SOS1: variants seen among roughly 807,000 people sequenced by gnomAD.
SOS1 encodes son of sevenless homolog 1.
A neutral mutation model predicts 157.6 loss-of-function variants in SOS1; 25 were observed. The observed-to-expected ratio is 0.16, with a 90% CI of 0.12 to 0.22. The LOEUF (loss-of-function observed/expected upper bound fraction) is 0.22. SOS1 is among the 10% of genes least tolerant of loss of function. The probability of loss-of-function intolerance (pLI) is 1.00; values close to 1 mark genes in which losing one functional copy is unlikely to be tolerated. For missense variants in SOS1, 1,237 were observed against 1,599.1 expected (o/e 0.77, Z 3.86); for synonymous variants, 528 against 534.0 (o/e 0.99, Z 0.16).
At chr2:39,015,182 C>T (rs888682125) in intron 10 of SOS1, among the ~76,000 whole-genome samples, 1 of 151,874 alleles carries the variant, frequency 6.6e-6, no homozygotes, top group Non-Finnish European at 1.5e-5. Context: ...CAAAGTATCA[C>T]CAGTTGGTTT....
intron 1 of SOS1, among the ~76,000 whole-genome samples, chr2:39,080,330 G>A (rs1163464453): frequency 6.6e-6 from 1 of 152,052 alleles, no homozygotes; most frequent in Non-Finnish European, 1.5e-5. Context: ...AGTTTTGGCG[G>A]TAATGCGAAT....
intron 1 of SOS1, among the ~76,000 whole-genome samples, chr2:39,107,561 T>C (rs1673245818): frequency 6.6e-6 from 1 of 150,860 alleles, no homozygotes; most frequent in Admixed American, 6.6e-5. Flanking sequence ...GCATTTCACC[T>C]AACAAATTTC....
rs1162457910 is a variant in SOS1 at position 39,113,385 on chromosome 2, A to C, written c.87+6951T>G. Among the ~76,000 whole-genome samples, 4 of 147,914 alleles carry C rather than the reference A, an allele frequency of 2.7e-5. No individual in the cohort carries two copies. In the East Asian group the frequency reaches 7.9e-4, roughly 29 times the overall value. On this transcript the variant is annotated intron_variant, in intron 1 of 22. Coordinates refer to ENST00000402219, the MANE Select transcript of SOS1 (RefSeq NM_005633.4). ...TTTTTTTTTTTTTTCCCTTGTAGAG[A>C]CAGGGTCTCACTATGTGGCCTAGGC...
chr2:38,995,016 C>G (rs1668844929), intron 20 of SOS1, 107 bp downstream of exon 20: 2 of 876,384 alleles, frequency 2.3e-6, no homozygotes, highest in African/African-American at 1.7e-5. Context: ...TGGCATTTGA[C>G]TTAACTACAA....
At chr2:39,068,156 T>C (rs1057178343) in intron 1 of SOS1, among the ~76,000 whole-genome samples, 1 of 152,224 alleles carries the variant, frequency 6.6e-6, no homozygotes, top group Non-Finnish European at 1.5e-5. Flanking sequence ...AAATGTGGTC[T>C]GGCTTGCAAA....
upstream of SOS1, among the ~76,000 whole-genome samples, chr2:39,122,447 T>C (rs531345449): frequency 6.8e-4 from 96 of 142,208 alleles, 1 homozygote; most frequent in African/African-American, 2.2e-3. Context: ...AAAAAAAATA[T>C]ACACACACAC....
In SOS1 at chr2:39,006,495, T is replaced by G. The variant is rs1669286222; in HGVS notation, c.2708A>C (p.Glu903Ala). Residue 903 changes from glutamate to alanine, a missense_variant, in exon 17 of 23, where the codon GAA becomes GCA. Coordinates refer to ENST00000402219, the MANE Select transcript of SOS1 (RefSeq NM_005633.4). ...GTGATCTTCACTCAATTCATGAGCT[T>G]CTTCTAAAATTTTCTTCTGGCGACT... ...IPSRQKKILEEAHELSEDHYK... is the reference protein window; with the variant it reads ...IPSRQKKILEAAHELSEDHYK... 8 of 1,609,074 alleles carry G rather than the reference T, an allele frequency of 5.0e-6. No individual in the cohort carries two copies. Among genetic ancestry groups the G allele is most frequent in the African/African-American group, 1.3e-5 (1 of 74,920 alleles).
chr2:39,052,485 C>T (rs1671054451), intron 5 of SOS1, among the ~76,000 whole-genome samples: 1 of 152,144 alleles, frequency 6.6e-6, no homozygotes, highest in Admixed American at 6.5e-5. Context: ...TGCCTCACTC[C>T]CAGGAAACCT....
intron 1 of SOS1, among the ~76,000 whole-genome samples, chr2:39,088,085 G>A (rs1273605309): frequency 1.4e-5 from 2 of 146,592 alleles, no homozygotes; most frequent in Non-Finnish European, 3.0e-5. Context: ...TAAAAATCTA[G>A]ATGAAGATTA....
At chr2:39,097,863 T>C (rs1482904514) in intron 1 of SOS1, among the ~76,000 whole-genome samples, 1 of 152,156 alleles carries the variant, frequency 6.6e-6, no homozygotes, top group Non-Finnish European at 1.5e-5. Context: ...CTTTGCCCAG[T>C]GAAGTTAATT....
intron 15 of SOS1, among the ~76,000 whole-genome samples, chr2:39,008,433 C>T (rs767751379): frequency 7.2e-5 from 11 of 152,204 alleles, no homozygotes; most frequent in Admixed American, 6.5e-5. Context: ...AATTTCTTGT[C>T]ATTTGCAACA....
At chr2:39,092,345 C>A (rs1383644455) in intron 1 of SOS1, among the ~76,000 whole-genome samples, 1 of 152,158 alleles carries the variant, frequency 6.6e-6, no homozygotes, top group Admixed American at 6.6e-5. Flanking sequence ...CTTACACTAA[C>A]TACCCTCTTC....
intron 1 of SOS1, among the ~76,000 whole-genome samples, chr2:39,085,986 C>A (rs1672353528): frequency 6.6e-6 from 1 of 152,184 alleles, no homozygotes; most frequent in Non-Finnish European, 1.5e-5. Context: ...GCTACATTGC[C>A]TACATTAAAA....
At chr2:39,032,188 T>C (rs1670184471) in intron 8 of SOS1, among the ~76,000 whole-genome samples, 1 of 152,188 alleles carries the variant, frequency 6.6e-6, no homozygotes, top group Non-Finnish European at 1.5e-5. Context: ...ATGCAATGTA[T>C]TGTTATTAAC....
chr2:39,052,090 T>C (rs1671037105), intron 5 of SOS1, among the ~76,000 whole-genome samples: 1 of 152,182 alleles, frequency 6.6e-6, no homozygotes, highest in Non-Finnish European at 1.5e-5. Flanking sequence ...CCCCAGTGCC[T>C]GACAACCACT....
In SOS1 at chr2:39,013,522, T is replaced by C. The variant is rs757094189; in HGVS notation, c.2105A>G (p.Tyr702Cys). The change falls in exon 13 of 23, where the codon TAT becomes TGT. Residue 702 changes from tyrosine (Y) to cysteine (C), a missense_variant. By Grantham distance (194) the Tyr-to-Cys change is radical. Coordinates refer to ENST00000402219, the MANE Select transcript of SOS1 (RefSeq NM_005633.4). ...AAGATATGCATCTCTTTCAAAATCA[T>C]AGAAGTGGTGCTCTACCCAGTGCCG... ...VCRHWVEHHF[Y>C]DFERDAYLLQ... 6.8e-6 allele frequency: 11 copies of C among 1,612,508 alleles called. No individual in the cohort carries two copies. The highest frequency in any genetic ancestry group is 2.2e-5 in the South Asian group (2 of 91,056).
chr2:39,044,032 AT>A (rs1670668874), intron 6 of SOS1, among the ~76,000 whole-genome samples: 1 of 152,210 alleles, frequency 6.6e-6, no homozygotes, highest in South Asian at 2.1e-4. Flanking sequence ...GTTCTAAAAC[AT>A]TTTGAAGTGG....
At chr2:39,003,066 C>CAAAACAAAAACA (rs1553352633) in intron 17 of SOS1, among the ~76,000 whole-genome samples, 2,844 of 72,268 alleles carry the variant, frequency 0.039, 40 homozygotes, top group Non-Finnish European at 0.059. Context: ...GACCTTGTAT[C>CAAAACAAAAACA]AAAAAAAAAA....
chr2:39,095,427 G>C (rs1238061425), intron 1 of SOS1, among the ~76,000 whole-genome samples: 2 of 152,208 alleles, frequency 1.3e-5, no homozygotes, highest in African/African-American at 4.8e-5. Context: ...GCAGAGAAGA[G>C]AGATTCAGTT....
Sources: gnomAD v4.1 joint callset for allele counts (sites outside exome capture counted in the v4.1 genomes callset) on GRCh38, gnomAD v4.1.1 for gene constraint, MANE v1.5 for transcripts, NCBI Gene and HGNC (gene_info 2026-07-23, HGNC 2026-07-21) for gene names.